The following ERN1 variants were observed in gnomAD, a reference collection of about 807,000 sequenced individuals.
ERN1 encodes the protein serine/threonine-protein kinase/endoribonuclease IRE1.
Under a neutral mutation model 113.1 loss-of-function variants are expected in ERN1, and 39 were observed. The observed-to-expected ratio is 0.34, with a 90% CI of 0.27 to 0.45. The LOEUF is 0.45. Ranked by LOEUF, ERN1 falls within the 20% of genes least tolerant of loss-of-function variation. The pLI is 1.00. For synonymous variants in ERN1, 507 were observed against 515.9 expected (o/e 0.98, Z 0.23); for missense variants, 976 against 1,274.8 (o/e 0.77, Z 3.57).
intron 1 of ERN1, among the ~76,000 whole-genome samples, chr17:64,108,923 G>C (rs557730671): frequency 6.6e-6 from 1 of 152,126 alleles, no homozygotes; most frequent in East Asian, 1.9e-4. Flanking sequence ...AGGAGTTCGC[G>C]ACCAGCCTGG....
At chr17:64,116,642 T>TA (rs147052519) in intron 1 of ERN1, among the ~76,000 whole-genome samples, 3,181 of 145,030 alleles carry the variant, frequency 0.022, 135 homozygotes, top group African/African-American at 0.08. Context: ...TTATTTAATG[T>TA]AAAAAAAAAA....
intron 1 of ERN1, among the ~76,000 whole-genome samples, chr17:64,111,173 C>T (rs1914661896): frequency 6.6e-6 from 1 of 152,130 alleles, no homozygotes; most frequent in African/African-American, 2.4e-5. Flanking sequence ...TTTACATTGA[C>T]ATATAAAATT....
intron 10 of ERN1, among the ~76,000 whole-genome samples, chr17:64,062,013 C>G (rs144850399): frequency 6.6e-6 from 1 of 152,226 alleles, no homozygotes; most frequent in African/African-American, 2.4e-5. Context: ...ACTGATATCA[C>G]GCTGTACACA....
chr17:64,070,085 G>C (rs1913363622), intron 6 of ERN1, among the ~76,000 whole-genome samples: 1 of 152,122 alleles, frequency 6.6e-6, no homozygotes, highest in Non-Finnish European at 1.5e-5. Flanking sequence ...GAAGGTTCTG[G>C]AACTTTTGAG....
intron 6 of ERN1, among the ~76,000 whole-genome samples, chr17:64,071,697 C>T (rs907025054): frequency 6.6e-6 from 1 of 152,178 alleles, no homozygotes. Flanking sequence ...ACTGGAATTA[C>T]AGGCGTGAGC....
chr17:64,064,516 G>A lies in ERN1; in HGVS notation c.922-365C>T, dbSNP rs962510167. Among the ~76,000 whole-genome samples, 3 of 152,354 alleles carry A rather than the reference G, an allele frequency of 2.0e-5. No individual in the cohort carries two copies. The East Asian group carries it at 5.8e-4, about 29-fold the overall frequency. On this transcript the variant is annotated intron_variant, in intron 9 of 21. Transcript: ENST00000433197. ...GGGGCGGAATAAAGTCCAGCCACAC[G>A]CCCAGTGCTGGCTCAGGTGCTGCTG...
At position 64,127,763 on chromosome 17, in the gene ERN1, A is replaced by G. The variant is rs1383220147; in HGVS notation, c.54+2213T>C. ...GAGCGAAGAAACTCCATATCAAAAA[A>G]AAAAAAAAAAAGAAGTAGTAGTAGT... On this transcript the variant is annotated intron_variant, in intron 1 of 21. Transcript: ENST00000433197. Among the ~76,000 whole-genome samples the G allele has an allele frequency of 4.0e-5, 6 of 151,612 alleles. No homozygotes were observed. The East Asian group carries it at 9.7e-4, about 24-fold the overall frequency.
intron 1 of ERN1, among the ~76,000 whole-genome samples, chr17:64,109,169 A>G (rs1008445466): frequency 5.3e-5 from 8 of 152,088 alleles, no homozygotes; most frequent in African/African-American, 1.9e-4. Flanking sequence ...AGAAACCCCA[A>G]GGGAAAAAAA....
At chr17:64,076,328 A>G (rs571536102) in intron 4 of ERN1, among the ~76,000 whole-genome samples, 129 of 152,372 alleles carry the variant, frequency 8.5e-4, no homozygotes, top group African/African-American at 3.0e-3. Flanking sequence ...AGAGCTTTGC[A>G]TACTAAATAA....
rs115937255 is a variant in ERN1, at chr17:64,114,177, T to C, written c.54+15799A>G. Among the ~76,000 whole-genome samples, 1,027 of 152,194 alleles carry C rather than the reference T, an allele frequency of 6.7e-3. 9 individuals are homozygous for C. Among genetic ancestry groups the C allele is most frequent in the African/African-American group, 0.024 (986 of 41,510 alleles). On this transcript the variant is annotated intron_variant, in intron 1 of 21. Coordinates refer to ENST00000433197, the MANE Select transcript of ERN1 (RefSeq NM_001433.5). The stretch of plus-strand genomic sequence containing the variant: ...GCATCATGTAAGTGTCAGTTACTAT[T>C]ATTCATTAAGAACTGTATGAGACAC...
At chr17:64,070,547 G>T (rs1913377444) in intron 6 of ERN1, among the ~76,000 whole-genome samples, 2 of 152,310 alleles carry the variant, frequency 1.3e-5, no homozygotes, top group South Asian at 2.1e-4. Context: ...TGGAATACAT[G>T]ATTTCTACAG....
At chr17:64,116,240 AC>A (rs1361147257) in intron 1 of ERN1, among the ~76,000 whole-genome samples, 1 of 152,168 alleles carries the variant, frequency 6.6e-6, no homozygotes, top group East Asian at 1.9e-4. Flanking sequence ...TCTTCTGCCA[AC>A]CACAAATCAG....
At chr17:64,118,360 C>T (rs1914866342) in intron 1 of ERN1, among the ~76,000 whole-genome samples, 1 of 152,196 alleles carries the variant, frequency 6.6e-6, no homozygotes, top group Non-Finnish European at 1.5e-5. Context: ...GATACTGGCC[C>T]TATGATTACA....
chr17:64,077,313 C>T (rs1007214442), intron 4 of ERN1, among the ~76,000 whole-genome samples: 2 of 152,176 alleles, frequency 1.3e-5, no homozygotes, highest in Non-Finnish European at 2.9e-5. Context: ...ATGCATAATA[C>T]GCAAACAGAA....
At chr17:64,114,631 T>G (rs1320022111) in intron 1 of ERN1, among the ~76,000 whole-genome samples, 3 of 152,142 alleles carry the variant, frequency 2.0e-5, no homozygotes, top group African/African-American at 7.2e-5. Context: ...AGAATCTTTT[T>G]TTTACGTGTC....
rs1365942225 is a variant in ERN1 at position 64,054,378 on chromosome 17, C to T, written c.1825G>A (p.Ala609Thr). The change falls in exon 15 of 22, where the codon GCA (alanine) becomes ACA (threonine). Residue 609 changes from alanine to threonine, a missense_variant. Transcript: ENST00000433197. The surrounding 1 kb of genome is among the most constrained non-coding windows in gnomAD (Gnocchi z 4.9). ...KRILPECFSFADREVQLLRES... is the reference protein window; with the variant it reads ...KRILPECFSFTDREVQLLRES... ...CGCAACAGCTGGACCTCACGGTCTG[C>T]GAAGCTAAAACACTCGGGGAGGATC... is the stretch of plus-strand genomic sequence containing the variant. The T allele has an allele frequency of 2.5e-6, 4 of 1,605,244 alleles. No individual in the cohort carries two copies. Among genetic ancestry groups the T allele is most frequent in the South Asian group, 2.2e-5 (2 of 89,324 alleles).
intron 2 of ERN1, among the ~76,000 whole-genome samples, chr17:64,094,950 T>A (rs1323868339): frequency 6.6e-6 from 1 of 152,180 alleles, no homozygotes; most frequent in African/African-American, 2.4e-5. Flanking sequence ...CCTTTATCAT[T>A]TATCTATATT....
Position 64,055,474 on chromosome 17 carries a change from G to C in ERN1, c.1672+201C>G, listed in dbSNP as rs150258833. Among the ~76,000 whole-genome samples, 25 of 152,340 alleles carry C rather than the reference G, an allele frequency of 1.6e-4. No individual in the cohort carries two copies. In the East Asian group the frequency reaches 4.4e-3, roughly 27 times the overall value. On this transcript the variant is annotated intron_variant, in intron 13 of 21. Coordinates refer to ENST00000433197, the MANE Select transcript of ERN1 (RefSeq NM_001433.5). ...AGAAAGACAGGAGGATGGCCAGGGT[G>C]GTTCCCAGAAGGCCCTCTGAAGGGG... is the stretch of plus-strand genomic sequence containing the variant.
intron 20 of ERN1, among the ~76,000 whole-genome samples, 192 bp from the exon 21 acceptor site, chr17:64,045,119 A>G (rs984944940): frequency 1.3e-5 from 2 of 151,922 alleles, no homozygotes; most frequent in African/African-American, 4.8e-5. Flanking sequence ...TGGTGATCAC[A>G]CCCAGGTCAG....
Sources: gnomAD v4.1 joint callset for allele counts (sites outside exome capture counted in the v4.1 genomes callset) on GRCh38, gnomAD v4.1.1 for gene constraint, Gnocchi (gnomAD v3.1) non-coding constraint, MANE v1.5 for transcripts, NCBI Gene and HGNC (gene_info 2026-07-23, HGNC 2026-07-21) for gene names.